LRP6: variants seen among roughly 807,000 people sequenced by gnomAD.
The protein encoded by LRP6 is LDL receptor related protein 6.
In LRP6, 43 loss-of-function variants were observed where a neutral mutation model predicts 184.1. The ratio of observed to expected loss-of-function variants is 0.23; its 90% CI spans 0.18 to 0.30. The LOEUF (loss-of-function observed/expected upper bound fraction) is 0.30, where lower values mean the gene tolerates loss of function less well. LRP6 is among the 10% of genes least tolerant of loss of function. LRP6 has a pLI of 1.00. For missense variants in LRP6, 1,571 were observed against 2,005.3 expected (o/e 0.78, Z 4.14); for synonymous variants, 719 against 684.9 (o/e 1.05, Z -0.78).
At chr12:12,140,556 G>A (rs1218629137) in intron 15 of LRP6, among the ~76,000 whole-genome samples, 1 of 151,076 alleles carries the variant, frequency 6.6e-6, no homozygotes, top group Non-Finnish European at 1.5e-5. Context: ...CCAGTTCAAT[G>A]AGAAGGAAGG....
At chr12:12,164,664 T>A in intron 8 of LRP6, 102 bp from the exon 9 acceptor site, 1 of 1,092,798 alleles carries the variant, frequency 9.2e-7, no homozygotes, top group Non-Finnish European at 1.4e-6. Context: ...CACAAATGCC[T>A]ATGATTATGT....
chr12:12,245,217 G>A (rs1163109934), intron 1 of LRP6, among the ~76,000 whole-genome samples: 2 of 152,112 alleles, frequency 1.3e-5, no homozygotes, highest in Admixed American at 6.5e-5. Context: ...CAGGCTAATG[G>A]ATAAAAAACT....
At chr12:12,252,323 T>C (rs1865343790) in intron 1 of LRP6, among the ~76,000 whole-genome samples, 1 of 152,232 alleles carries the variant, frequency 6.6e-6, no homozygotes, top group Non-Finnish European at 1.5e-5. Flanking sequence ...GTCTTTGAGA[T>C]TTCCCCTAAG....
At chr12:12,216,269 G>T (rs747093239) in intron 2 of LRP6, among the ~76,000 whole-genome samples, 1 of 152,142 alleles carries the variant, frequency 6.6e-6, no homozygotes, top group African/African-American at 2.4e-5. Flanking sequence ...ATTTCTGAAT[G>T]TCCTGGATCT....
In LRP6 at chr12:12,253,936, G is replaced by C. The variant is rs114518573; in HGVS notation, c.56-9281C>G. ...AGGTGGGCATATCACTGGAGCCCAA[G>C]AGTTCGAGACCAGCCTGGGCAACTT... On this transcript the variant is annotated intron_variant, in intron 1 of 22. Coordinates refer to ENST00000261349, the MANE Select transcript of LRP6 (RefSeq NM_002336.3). Among the ~76,000 whole-genome samples, 1,050 of 152,006 alleles carry C rather than the reference G, an allele frequency of 6.9e-3. 8 individuals are homozygous for C. Among genetic ancestry groups the C allele is most frequent in the African/African-American group, 0.024 (990 of 41,462 alleles).
chr12:12,235,820 A>G (rs952413861), intron 2 of LRP6, among the ~76,000 whole-genome samples: 1 of 152,224 alleles, frequency 6.6e-6, no homozygotes, highest in African/African-American at 2.4e-5. Context: ...ATTCTCTAAT[A>G]AAAGGAGCCA....
In LRP6 at chr12:12,124,616, G is replaced by C. The variant is rs751564427; in HGVS notation, c.4496C>G (p.Thr1499Ser). 2.5e-6 allele frequency: 4 copies of C among 1,613,850 alleles called. No individual in the cohort carries two copies. The South Asian group carries it at 4.4e-5, about 18-fold the overall frequency. The change falls in exon 22 of 23, where the codon ACT (threonine) becomes AGT (serine). Residue 1499 changes from threonine to serine, a missense_variant. By Grantham distance (58) the Thr-to-Ser change is moderately conservative. This residue lies in a region of LRP6 where 763 missense variants were observed against 859.5 expected (regional missense o/e 0.89). Coordinates refer to ENST00000261349, the MANE Select transcript of LRP6 (RefSeq NM_002336.3). ...PSPATERSHY[T>S]MEFGYSSNSP... ...GTTTGAAGAATATCCAAATTCCATA[G>C]TGTAATGTGATCGCTCTGTGGCTGG... is the stretch of plus-strand genomic sequence containing the variant.
chr12:12,164,955 A>AAAAAAAAAAAAAAAAT, intron 8 of LRP6, 124 bp downstream of exon 8: 1 of 528,560 alleles, frequency 1.9e-6, no homozygotes, highest in Non-Finnish European at 3.3e-6. Flanking sequence ...AAAAAAAAAA[A>AAAAAAAAAAAAAAAAT]GGCGGGGGGG....
chr12:12,138,539 G>A lies in LRP6; in HGVS notation c.3398-5C>T, dbSNP rs957033334. 5.0e-6 allele frequency: 8 copies of A among 1,610,852 alleles called. No homozygotes were observed. The highest frequency in any genetic ancestry group is 6.8e-6 in the Non-Finnish European group (8 of 1,177,384). Reference sequence around the variant, plus strand: ...CTAATACTATCCGGTTAGCACCTTGGAAAAGGAGAAAATTCAACAGAAATG... The same window carrying A: ...CTAATACTATCCGGTTAGCACCTTGAAAAAGGAGAAAATTCAACAGAAATG... On this transcript the variant is annotated splice_polypyrimidine_tract_variant and splice_region_variant and intron_variant, in intron 15 of 22. Coordinates refer to ENST00000261349, the MANE Select transcript of LRP6 (RefSeq NM_002336.3).
At chr12:12,254,489 CTA>C (rs1323931265) in intron 1 of LRP6, among the ~76,000 whole-genome samples, 4 of 152,286 alleles carry the variant, frequency 2.6e-5, no homozygotes, top group Admixed American at 1.3e-4. Flanking sequence ...TTTAAGGAGA[CTA>C]TGTTTTTGTA....
At chr12:12,151,292 T>C (rs1258257650) in intron 12 of LRP6, among the ~76,000 whole-genome samples, 1 of 152,182 alleles carries the variant, frequency 6.6e-6, no homozygotes, top group Non-Finnish European at 1.5e-5. Context: ...CTCCATCTTG[T>C]CCACAGAGAT....
intron 22 of LRP6, among the ~76,000 whole-genome samples, chr12:12,124,283 G>A (rs1949642245): frequency 1.3e-5 from 2 of 152,190 alleles, no homozygotes; most frequent in Non-Finnish European, 2.9e-5. Flanking sequence ...TGAGGCAGGA[G>A]AATCGCTTGA....
chr12:12,236,927 G>C (rs1014379588), intron 2 of LRP6, among the ~76,000 whole-genome samples: 5 of 150,924 alleles, frequency 3.3e-5, no homozygotes, highest in Non-Finnish European at 7.4e-5. Context: ...TTTTTTTTGA[G>C]GCTTTTTATA....
chr12:12,249,364 C>A, intron 1 of LRP6: 1 of 1,049,166 alleles, frequency 9.5e-7, no homozygotes, highest in South Asian at 1.3e-5. Context: ...AGCTTTGGCG[C>A]CTAATGGTGT....
intron 13 of LRP6, among the ~76,000 whole-genome samples, chr12:12,150,597 G>A (rs967260006): frequency 3.3e-5 from 5 of 152,122 alleles, no homozygotes; most frequent in African/African-American, 4.8e-5. Context: ...CAGTCACAAA[G>A]CCATTACCAA....
chr12:12,140,705 G>A (rs1025925096), intron 15 of LRP6, among the ~76,000 whole-genome samples: 10 of 150,670 alleles, frequency 6.6e-5, no homozygotes, highest in African/African-American at 2.0e-4. Flanking sequence ...CCGGTTTCAC[G>A]TGATTCTCCT....
intron 2 of LRP6, among the ~76,000 whole-genome samples, chr12:12,242,518 C>CA (rs1417200552): frequency 6.6e-6 from 1 of 152,228 alleles, no homozygotes; most frequent in Non-Finnish European, 1.5e-5. Flanking sequence ...TTCTACAAAG[C>CA]AGTAACCTCA....
intron 2 of LRP6, among the ~76,000 whole-genome samples, chr12:12,233,255 C>T (rs1255888506): frequency 6.6e-6 from 1 of 152,084 alleles, no homozygotes; most frequent in African/African-American, 2.4e-5. Flanking sequence ...ATCACAAGGT[C>T]AGGAGATCGA....
chr12:12,263,276 A>AAAAAG (rs1555129101), intron 1 of LRP6, among the ~76,000 whole-genome samples: 2,988 of 146,252 alleles, frequency 0.02, 54 homozygotes, highest in Non-Finnish European at 0.032. Context: ...TAAAAAAAAA[A>AAAAAG]AAAGAATGTG....
Sources: gnomAD v4.1 joint callset for allele counts (sites outside exome capture counted in the v4.1 genomes callset) on GRCh38, gnomAD v4.1.1 for gene constraint, gnomAD v4.1.1 regional missense constraint, MANE v1.5 for transcripts, NCBI Gene and HGNC (gene_info 2026-07-23, HGNC 2026-07-21) for gene names.